The following EML4 variants were observed in gnomAD, a reference collection of about 807,000 sequenced individuals.
The protein encoded by EML4 is EMAP like 4.
A neutral mutation model predicts 129.0 loss-of-function variants in EML4; 72 were observed. The observed-to-expected ratio is 0.56, with a 90% CI of 0.46 to 0.68. The LOEUF is 0.68. Ranked by LOEUF, EML4 falls within the 30% of genes least tolerant of loss-of-function variation. EML4 has a pLI of 0.00. For missense variants in EML4, 1,363 were observed against 1,190.6 expected (o/e 1.14, Z -2.13); for synonymous variants, 532 against 405.0 (o/e 1.31, Z -3.77).
intron 18 of EML4, among the ~76,000 whole-genome samples, 165 bp from the exon 19 acceptor site, chr2:42,317,262 G>T (rs1213828936): frequency 6.6e-6 from 1 of 152,138 alleles, no homozygotes; most frequent in Non-Finnish European, 1.5e-5. Flanking sequence ...GTATTAGACT[G>T]GATGACCATT....
chr2:42,282,043 C>T (rs905988661), intron 7 of EML4, among the ~76,000 whole-genome samples: 2 of 152,190 alleles, frequency 1.3e-5, no homozygotes, highest in Non-Finnish European at 2.9e-5. Context: ...GCATAAATAT[C>T]CCTTTTCCAG....
In EML4 at chr2:42,285,067, C is replaced by CTTAATTAA. The variant is rs71408093; in HGVS notation, c.1011+380_1011+387dup. Among the ~76,000 whole-genome samples the CTTAATTAA allele has an allele frequency of 8.5e-4, 128 of 149,876 alleles. 1 individual carries two copies. The highest frequency in any genetic ancestry group is 5.5e-3 in the South Asian group (26 of 4,706). On this transcript the variant is annotated intron_variant, in intron 9 of 22. Coordinates refer to ENST00000318522, the MANE Select transcript of EML4 (RefSeq NM_019063.5). ...GAACCTGTTGATTCTTATTTACTTT[C>CTTAATTAA]TTAATTAATTAATTAATTAATTATA...
intron 1 of EML4, among the ~76,000 whole-genome samples, chr2:42,191,323 A>C (rs558350029): frequency 6.1e-4 from 93 of 152,204 alleles, no homozygotes; most frequent in African/African-American, 2.2e-3. Context: ...TATTCTCTGA[A>C]ATGATCTTCC....
rs996321287 is a variant in EML4 at position 42,330,445 on chromosome 2, T to C, written c.*238T>C. On this transcript the variant is annotated 3_prime_UTR_variant, in exon 23 of 23. Transcript: ENST00000318522. ...TACTAGGAGAAGACTGAATCATTAA[T>C]GATGTCTCACAAATTACTGTGTACC... The C allele has an allele frequency of 1.7e-6, 1 of 588,656 alleles. No individual in the cohort carries two copies. Among genetic ancestry groups the C allele is most frequent in the Non-Finnish European group, 3.1e-6 (1 of 325,862 alleles). 36.5% of individuals were successfully genotyped at this position (588,656 alleles called of 1,614,324 possible). A position where few individuals can be genotyped will look rare whatever the true frequency, so the allele number is the denominator to read the frequency against.
rs1324965296 is a variant in EML4 at position 42,316,014 on chromosome 2, G to A, written c.2020G>A (p.Gly674Arg). ...TRDLVSIHTD[G>R]NEQLSVMRYS... ...AGATCTAGTTTCTATCCACACAGAC[G>A]GGAATGAACAGCTCTCTGTGATGCG... The change falls in exon 18 of 23, where the codon GGG becomes AGG. Residue 674 changes from glycine to arginine, a missense_variant. Transcript: ENST00000318522. 8.7e-6 allele frequency: 14 copies of A among 1,613,730 alleles called. No individual in the cohort carries two copies. Among genetic ancestry groups the A allele is most frequent in the South Asian group, 2.2e-5 (2 of 91,046 alleles).
At chr2:42,169,709 C>G in intron 1 of EML4, 73 bp downstream of exon 1, 1 of 1,515,318 alleles carries the variant, frequency 6.6e-7, no homozygotes, top group Non-Finnish European at 8.9e-7. Flanking sequence ...ACAGCCCAGG[C>G]CCTGCCCTCC....
At chr2:42,241,331 A>C (rs7583046) in intron 1 of EML4, among the ~76,000 whole-genome samples, 2 of 151,942 alleles carry the variant, frequency 1.3e-5, no homozygotes, top group Admixed American at 1.3e-4. Context: ...GATAACTACT[A>C]TGCTCTGTTA....
At chr2:42,194,221 T>C (rs1671768842) in intron 1 of EML4, among the ~76,000 whole-genome samples, 1 of 152,158 alleles carries the variant, frequency 6.6e-6, no homozygotes, top group Admixed American at 6.5e-5. Flanking sequence ...AATCAAGTCC[T>C]TTTAAATAAG....
At chr2:42,307,752 C>G (rs1320087619) in intron 17 of EML4, among the ~76,000 whole-genome samples, 7 of 152,216 alleles carry the variant, frequency 4.6e-5, no homozygotes, top group African/African-American at 1.7e-4. Flanking sequence ...CTCCCAGGCT[C>G]AAGCGATTCT....
intron 1 of EML4, among the ~76,000 whole-genome samples, chr2:42,220,671 C>G (rs923849209): frequency 6.6e-6 from 1 of 152,056 alleles, no homozygotes; most frequent in South Asian, 2.1e-4. Flanking sequence ...AAATCAAAAG[C>G]TAGAAATGAT....
In EML4 at chr2:42,256,621, C is replaced by A; in HGVS notation, c.329C>A (p.Ala110Asp). 6.2e-7 allele frequency: 1 copy of A among 1,613,470 alleles called. No homozygotes were observed. Among genetic ancestry groups the A allele is most frequent in the Non-Finnish European group, 8.5e-7 (1 of 1,179,636 alleles). Reference sequence around the variant, plus strand: ...GCAGGAAAAGAAACTCTTTCATCTGCTGCTAAAAGGTACCCATTTATGAAA... The same window carrying A: ...GCAGGAAAAGAAACTCTTTCATCTGATGCTAAAAGGTACCCATTTATGAAA... ...SIAGKETLSSAAKSGTEKKKE... is the reference protein window; with the variant it reads ...SIAGKETLSSDAKSGTEKKKE... The change falls in exon 3 of 23, where the codon GCT becomes GAT. Residue 110 changes from alanine (A) to aspartate (D), a missense_variant. By Grantham distance (126) the Ala-to-Asp change is moderately radical. Transcript: ENST00000318522.
rs553742913 is a variant in EML4 at position 42,229,940 on chromosome 2, C to A, written c.26-15565C>A. ...GGGGATATTCAGAGAAAGAAAAAAA[C>A]CATAAAAAGGAAGAAATACTAGATG... On this transcript the variant is annotated intron_variant, in intron 1 of 22. Transcript: ENST00000318522. Among the ~76,000 whole-genome samples the A allele has an allele frequency of 1.8e-4, 28 of 151,744 alleles. 1 individual carries two copies. The South Asian group carries it at 5.8e-3, about 32-fold the overall frequency.
intron 10 of EML4, among the ~76,000 whole-genome samples, chr2:42,287,237 G>A (rs1667356876): frequency 6.6e-6 from 1 of 152,168 alleles, no homozygotes; most frequent in Non-Finnish European, 1.5e-5. Flanking sequence ...AACTTTGCTA[G>A]CTTGAAGGCA....
chr2:42,232,458 G>T (rs1294757141), intron 1 of EML4, among the ~76,000 whole-genome samples: 3 of 152,282 alleles, frequency 2.0e-5, no homozygotes, highest in African/African-American at 7.2e-5. Flanking sequence ...CATTTGTCTG[G>T]TGATTCAAGT....
At chr2:42,313,403 A>C (rs1442024181) in intron 17 of EML4, among the ~76,000 whole-genome samples, 1 of 152,182 alleles carries the variant, frequency 6.6e-6, no homozygotes, top group Non-Finnish European at 1.5e-5. Context: ...TTGGCTCAGA[A>C]TAAATCTCTT....
At chr2:42,267,016 T>C (rs1000708734) in intron 6 of EML4, among the ~76,000 whole-genome samples, 12 of 152,220 alleles carry the variant, frequency 7.9e-5, no homozygotes, top group Admixed American at 2.0e-4. Flanking sequence ...CAATGTCATG[T>C]AGATGTTTAA....
In EML4 at chr2:42,303,170, A is replaced by G; in HGVS notation, c.1708A>G (p.Thr570Ala). ...EGKADQFLVG[T>A]SRNFILRGTF... ...AAAGGCAGATCAATTTTTAGTAGGC[A>G]CATCACGAAACTTTATTTTACGAGG... Residue 570 changes from threonine (T) to alanine (A), a missense_variant, in exon 15 of 23, where the codon ACA (threonine) becomes GCA (alanine). Thr to Ala is a moderately conservative substitution (Grantham distance 58, BLOSUM62 0). Transcript: ENST00000318522. The G allele has an allele frequency of 2.5e-6, 4 of 1,614,166 alleles. No individual in the cohort carries two copies. The African/African-American group carries it at 5.3e-5, about 22-fold the overall frequency.
intron 1 of EML4, among the ~76,000 whole-genome samples, chr2:42,195,856 A>C (rs552551132): frequency 1.3e-5 from 2 of 152,296 alleles, no homozygotes; most frequent in South Asian, 4.2e-4. Flanking sequence ...TATTGTACCA[A>C]GTGTTATTAA....
At chr2:42,217,888 G>A (rs1239747694) in intron 1 of EML4, among the ~76,000 whole-genome samples, 1 of 152,112 alleles carries the variant, frequency 6.6e-6, no homozygotes, top group African/African-American at 2.4e-5. Flanking sequence ...ATTTGATCTG[G>A]GTGCTGATCA....
Sources: gnomAD v4.1 joint callset for allele counts (sites outside exome capture counted in the v4.1 genomes callset) on GRCh38, gnomAD v4.1.1 for gene constraint, MANE v1.5 for transcripts, NCBI Gene and HGNC (gene_info 2026-07-23, HGNC 2026-07-21) for gene names.